TMPRSS7: variants seen among roughly 807,000 people sequenced by gnomAD.
The protein encoded by TMPRSS7 is transmembrane serine protease 7.
A neutral mutation model predicts 95.6 loss-of-function variants in TMPRSS7; 81 were observed. The observed-to-expected ratio is 0.85, with a 90% CI of 0.71 to 1.02. The LOEUF (loss-of-function observed/expected upper bound fraction) is 1.02, where lower values mean the gene tolerates loss of function less well. Ranked by LOEUF, TMPRSS7 falls within the 50% of genes least tolerant of loss-of-function variation. The pLI is 0.00. For missense variants in TMPRSS7, 945 were observed against 955.2 expected (o/e 0.99, Z 0.14); for synonymous variants, 364 against 337.8 (o/e 1.08, Z -0.85).
chr3:112,048,739 A>G (rs568670931), intron 7 of TMPRSS7, among the ~76,000 whole-genome samples: 8 of 152,350 alleles, frequency 5.3e-5, no homozygotes, highest in South Asian at 2.1e-4. Flanking sequence ...CAAACACTAT[A>G]TAAGAATATG....
intron 12 of TMPRSS7, among the ~76,000 whole-genome samples, chr3:112,065,894 AC>A (rs1337283226): frequency 1.6e-4 from 24 of 152,246 alleles, no homozygotes; most frequent in Admixed American, 4.6e-4. Flanking sequence ...CAAAGAGACC[AC>A]AGGGCCACAT....
In TMPRSS7 at chr3:112,047,429, T is replaced by C. The variant is rs1252333648; in HGVS notation, c.731-310T>C. On this transcript the variant is annotated intron_variant, in intron 6 of 17. Coordinates refer to ENST00000452346, the Ensembl canonical transcript of TMPRSS7. ...GCAGAAGTCCTGGGGCTGACTCTCATTGTCTGGATTGACTGACATGCCTAT... is the reference window on the plus strand; with the variant it reads ...GCAGAAGTCCTGGGGCTGACTCTCACTGTCTGGATTGACTGACATGCCTAT... 8.8e-6 allele frequency: 5 copies of C among 569,038 alleles called. No individual in the cohort carries two copies. The African/African-American group carries it at 9.2e-5, about 10-fold the overall frequency. 35.2% of individuals were successfully genotyped at this position (569,038 alleles called of 1,614,324 possible). A position where few individuals can be genotyped will look rare whatever the true frequency, so the allele number is the denominator to read the frequency against.
chr3:112,061,838 T>A (rs1384723685), exon 11 of TMPRSS7: 1 of 1,612,882 alleles, frequency 6.2e-7, no homozygotes, highest in East Asian at 2.2e-5. Flanking sequence ...TGCCCAGCCC[T>A]CTGGTTCACA....
At chr3:112,061,964 C>T (rs747052700) in intron 11 of TMPRSS7, 41 bp downstream of exon 11, 3 of 1,503,850 alleles carry the variant, frequency 2.0e-6, no homozygotes, top group Non-Finnish European at 2.7e-6. Context: ...TTAATACTTA[C>T]ATAGAGGATA....
intron 17 of TMPRSS7, among the ~76,000 whole-genome samples, chr3:112,079,784 CT>C (rs1473497118): frequency 6.6e-6 from 1 of 152,154 alleles, no homozygotes; most frequent in Non-Finnish European, 1.5e-5. Flanking sequence ...GTGCTAGGTT[CT>C]TTACATAAAT....
rs1178328289 is a variant in TMPRSS7, at chr3:112,066,334, A to G, written c.1556-58A>G. 4 of 1,478,094 alleles carry G rather than the reference A, an allele frequency of 2.7e-6. No homozygotes were observed. In the African/African-American group the frequency reaches 5.5e-5, roughly 21 times the overall value. 91.6% of individuals were successfully genotyped at this position (1,478,094 alleles called of 1,614,324 possible). A position where few individuals can be genotyped will look rare whatever the true frequency, so the allele number is the denominator to read the frequency against. ...CTTGAGACTGGCACTGCTGATCATC[A>G]GAGAACCCAGCTGGTGTCTCAGGCT... On this transcript the variant is annotated intron_variant, in intron 12 of 17. Transcript: ENST00000452346.
intron 9 of TMPRSS7, among the ~76,000 whole-genome samples, chr3:112,054,079 G>C (rs1432566316): frequency 6.6e-6 from 1 of 152,150 alleles, no homozygotes; most frequent in Non-Finnish European, 1.5e-5. Flanking sequence ...TCCCCAGAAG[G>C]GAGCTCCATT....
chr3:112,063,761 C>T (rs1399319414), intron 12 of TMPRSS7, 129 bp downstream of exon 12: 2 of 744,934 alleles, frequency 2.7e-6, no homozygotes, highest in Admixed American at 4.6e-5. Context: ...TACCCCAAAA[C>T]CCAGTGACTT....
intron 10 of TMPRSS7, among the ~76,000 whole-genome samples, chr3:112,060,986 G>A (rs898145334): frequency 2.0e-5 from 3 of 152,094 alleles, no homozygotes; most frequent in Admixed American, 6.6e-5. Context: ...GGCTTCAGCC[G>A]GTCCCTCCAT....
rs183968766 is a variant in TMPRSS7 at position 112,060,981 on chromosome 3, C to T, written c.1311-806C>T. ...AATCCACGTTCTTCTGCCATGGCTT[C>T]AGCCGGTCCCTCCATTCAGGGTCCC... On this transcript the variant is annotated intron_variant, in intron 10 of 17. Coordinates refer to ENST00000452346, the Ensembl canonical transcript of TMPRSS7. 1.1e-4 allele frequency among the ~76,000 whole-genome samples: 16 copies of T among 152,306 alleles called. No individual in the cohort carries two copies. The East Asian group carries it at 3.1e-3, about 29-fold the overall frequency.
At chr3:112,062,062 AAAT>A (rs1576113719) in intron 11 of TMPRSS7, 139 bp downstream of exon 11, 1 of 380,846 alleles carries the variant, frequency 2.6e-6, no homozygotes. Flanking sequence ...TTTCTATAAT[AAAT>A]AATAATTATA....
intron 13 of TMPRSS7, among the ~76,000 whole-genome samples, chr3:112,070,010 A>C (rs2073622665): frequency 6.6e-6 from 1 of 152,178 alleles, no homozygotes; most frequent in East Asian, 1.9e-4. Context: ...TGTGTCCCAG[A>C]GATTCTGGTA....
At chr3:112,034,751 G>A (rs956152494), upstream of TMPRSS7, 18 of 678,978 alleles carry the variant, frequency 2.7e-5, 1 homozygote, top group South Asian at 2.3e-4. Flanking sequence ...GCTTGAATGC[G>A]GTGACGGTTC....
chr3:112,051,942 T>C (rs946959241), intron 9 of TMPRSS7, among the ~76,000 whole-genome samples: 1 of 152,120 alleles, frequency 6.6e-6, no homozygotes. Flanking sequence ...TATTATTGAA[T>C]GACTACTATG....
intron 4 of TMPRSS7, among the ~76,000 whole-genome samples, chr3:112,044,766 A>G (rs899007467): frequency 5.3e-5 from 8 of 151,930 alleles, no homozygotes; most frequent in Non-Finnish European, 1.2e-4. Context: ...CCCACTCCCA[A>G]TATATCTGCA....
At chr3:112,066,534 C>T (rs1330658712) in intron 13 of TMPRSS7, 32 bp downstream of exon 13, 6 of 1,591,508 alleles carry the variant, frequency 3.8e-6, no homozygotes, top group African/African-American at 1.3e-5. Flanking sequence ...CCTGCTGTTC[C>T]TCCTATGAAA....
At chr3:112,046,983 G>C (rs1000824254) in exon 6 of TMPRSS7, 1 of 702,408 alleles carries the variant, frequency 1.4e-6, no homozygotes, top group East Asian at 2.7e-5. Flanking sequence ...GCTGGGCTTC[G>C]GTCGGATTAC....
Position 112,034,907 on chromosome 3 carries a change from G to T in TMPRSS7, c.48+14G>T, listed in dbSNP as rs1301882585. ...GCTGACCTGAAAGTAAGTACAGGGT[G>T]AGAAACTTTCTCTTACTTGAATGCC... is the stretch of plus-strand genomic sequence containing the variant. On this transcript the variant is annotated intron_variant, in intron 1 of 17. Transcript: ENST00000452346. The T allele has an allele frequency of 2.8e-6, 2 of 702,870 alleles. No individual in the cohort carries two copies. Among genetic ancestry groups the T allele is most frequent in the East Asian group, 5.4e-5 (2 of 37,282 alleles). 43.5% of individuals were successfully genotyped at this position (702,870 alleles called of 1,614,324 possible). A position where few individuals can be genotyped will look rare whatever the true frequency, so the allele number is the denominator to read the frequency against.
At chr3:112,063,049 G>T (rs1278139280) in intron 11 of TMPRSS7, among the ~76,000 whole-genome samples, 1 of 152,122 alleles carries the variant, frequency 6.6e-6, no homozygotes, top group Non-Finnish European at 1.5e-5. Context: ...AATATGTTTT[G>T]GAGCACAGCT....
Sources: gnomAD v4.1 joint callset for allele counts (sites outside exome capture counted in the v4.1 genomes callset) on GRCh38, gnomAD v4.1.1 for gene constraint, MANE v1.5 for transcripts, NCBI Gene and HGNC (gene_info 2026-07-23, HGNC 2026-07-21) for gene names.